Variants in UNC5B observed in about 807,000 individuals in gnomAD.
UNC5B encodes unc-5 netrin receptor B.
A neutral mutation model predicts 103.7 loss-of-function variants in UNC5B; 56 were observed. The observed-to-expected ratio is 0.54, with a 90% CI of 0.44 to 0.67. UNC5B has a LOEUF of 0.67. Ranked by LOEUF, UNC5B falls within the 30% of genes least tolerant of loss-of-function variation. The pLI is 0.00. For synonymous variants in UNC5B, 577 were observed against 542.0 expected, an observed-to-expected ratio of 1.06 and a Z score of -0.90; for missense variants, 1,194 against 1,284.5, an observed-to-expected ratio of 0.93 and a Z score of 1.08.
intron 15 of UNC5B, among the ~76,000 whole-genome samples, chr10:71,297,259 C>T (rs1411540330): frequency 6.6e-6 from 1 of 152,262 alleles, no homozygotes; most frequent in Non-Finnish European, 1.5e-5. Context: ...AAAAAACTTA[C>T]ATGATCTCAC....
chr10:71,295,539 C>A (rs571447506), intron 13 of UNC5B, among the ~76,000 whole-genome samples: 1 of 152,168 alleles, frequency 6.6e-6, no homozygotes, highest in Non-Finnish European at 1.5e-5. Context: ...GTCTTTCTAG[C>A]CATCAATCCG....
chr10:71,279,759 C>G, intron 1 of UNC5B, 62 bp from the exon 2 acceptor site: 1 of 1,535,532 alleles, frequency 6.5e-7, no homozygotes, highest in Non-Finnish European at 8.8e-7. Context: ...CCGGGGTGGG[C>G]GAGGGGTGCC....
rs1845604094 is a variant in UNC5B at position 71,302,524 on chromosome 10, A to AG, written c.*3251dup. On this transcript the variant is annotated 3_prime_UTR_variant, in exon 17 of 17. Transcript: ENST00000335350. ...GCCCCCGGCTCCAGAGCTCAGGGGTAGGGGTTCTCCTGAGGGTGCAGGGGA... is the reference window on the plus strand; with the variant it reads ...GCCCCCGGCTCCAGAGCTCAGGGGTAGGGGGTTCTCCTGAGGGTGCAGGGGA... The AG allele has an allele frequency of 1.3e-5, 2 of 152,316 alleles. No homozygotes were observed. The highest frequency in any genetic ancestry group is 1.5e-5 in the Non-Finnish European group (1 of 68,124). The allele number at this position is 152,316 out of a possible 1,614,324, so 9.4% of individuals were successfully genotyped here. A position where few individuals can be genotyped will look rare whatever the true frequency, so the allele number is the denominator to read the frequency against.
At chr10:71,260,884 G>C (rs1272387244) in intron 1 of UNC5B, among the ~76,000 whole-genome samples, 1 of 152,268 alleles carries the variant, frequency 6.6e-6, no homozygotes, top group African/African-American at 2.4e-5. Context: ...CGGGCAGGCA[G>C]CTGGGAGCCC....
chr10:71,285,918 G>A (rs1330432277), intron 4 of UNC5B, among the ~76,000 whole-genome samples: 1 of 152,204 alleles, frequency 6.6e-6, no homozygotes, highest in Non-Finnish European at 1.5e-5. Context: ...GATTAGAGCT[G>A]CATCTCAGCT....
At chr10:71,225,481 C>T (rs1262761767) in intron 1 of UNC5B, among the ~76,000 whole-genome samples, 1 of 152,210 alleles carries the variant, frequency 6.6e-6, no homozygotes, top group East Asian at 1.9e-4. Context: ...TACCCTGACC[C>T]CATTGCACAC....
Position 71,291,296 on chromosome 10 carries a change from C to T in UNC5B, c.1295-136C>T, listed in dbSNP as rs115534279. The T allele has an allele frequency of 1.1e-3, 1,550 of 1,407,862 alleles. 10 individuals are homozygous for T. The African/African-American group carries it at 0.019, about 18-fold the overall frequency. The allele number at this position is 1,407,862 out of a possible 1,614,324, so 87.2% of individuals were successfully genotyped here. A position where few individuals can be genotyped will look rare whatever the true frequency, so the allele number is the denominator to read the frequency against. ...AGAAGGAAGGGAGTGACCCAGGCTG[C>T]GGGATTCCCAAAGCTTCCTGCAGCT... On this transcript the variant is annotated intron_variant, in intron 9 of 16. Coordinates refer to ENST00000335350, the MANE Select transcript of UNC5B (RefSeq NM_170744.5).
chr10:71,285,859 G>A (rs949191594), intron 4 of UNC5B, among the ~76,000 whole-genome samples: 11 of 152,100 alleles, frequency 7.2e-5, no homozygotes, highest in Admixed American at 1.3e-4. Context: ...GTCCTCTCTC[G>A]CCATCCTTAC....
At chr10:71,238,171 G>A (rs753039398) in intron 1 of UNC5B, among the ~76,000 whole-genome samples, 5 of 152,116 alleles carry the variant, frequency 3.3e-5, no homozygotes, top group African/African-American at 1.2e-4. Context: ...TGGAAAGCCC[G>A]TTTCCTGTTG....
intron 12 of UNC5B, 32 bp downstream of exon 12, chr10:71,293,605 C>T: frequency 6.2e-7 from 1 of 1,612,852 alleles, no homozygotes; most frequent in Non-Finnish European, 8.5e-7. Flanking sequence ...TGGCCCAGCT[C>T]TCCCAACCTG....
intron 1 of UNC5B, among the ~76,000 whole-genome samples, chr10:71,214,049 T>C (rs2132231275): frequency 6.6e-6 from 1 of 152,192 alleles, no homozygotes; most frequent in East Asian, 1.9e-4. Context: ...AGCCAGCCTC[T>C]CTCTGGTACC....
intron 1 of UNC5B, among the ~76,000 whole-genome samples, chr10:71,249,572 G>A (rs1357180788): frequency 6.6e-6 from 1 of 152,178 alleles, no homozygotes; most frequent in African/African-American, 2.4e-5. Context: ...GGGATCCAGA[G>A]CCATCTCTGA....
At chr10:71,235,803 A>T (rs1303846766) in intron 1 of UNC5B, among the ~76,000 whole-genome samples, 1 of 152,224 alleles carries the variant, frequency 6.6e-6, no homozygotes, top group East Asian at 1.9e-4. Flanking sequence ...TTCCAGCCTT[A>T]GAGTGCCCAA....
At chr10:71,263,577 C>A (rs1210261348) in intron 1 of UNC5B, among the ~76,000 whole-genome samples, 1 of 152,218 alleles carries the variant, frequency 6.6e-6, no homozygotes, top group African/African-American at 2.4e-5. Context: ...CGAGAACAAT[C>A]AGAGAGGAAA....
intron 1 of UNC5B, among the ~76,000 whole-genome samples, chr10:71,219,194 AG>A (rs1431601319): frequency 6.6e-6 from 1 of 152,108 alleles, no homozygotes; most frequent in African/African-American, 2.4e-5. Context: ...CTCACCGAGA[AG>A]GTGGAAGCTC....
chr10:71,258,189 A>G (rs1844335391), intron 1 of UNC5B, among the ~76,000 whole-genome samples: 1 of 152,206 alleles, frequency 6.6e-6, no homozygotes, highest in Admixed American at 6.5e-5. Context: ...CCGAGACTCT[A>G]TCCTGCGGAT....
At chr10:71,278,284 G>A (rs1477148059) in intron 1 of UNC5B, among the ~76,000 whole-genome samples, 1 of 152,210 alleles carries the variant, frequency 6.6e-6, no homozygotes, top group African/African-American at 2.4e-5. Context: ...GCACCGCCTA[G>A]GTGTTCATGC....
At chr10:71,284,112 C>A (rs1027863646) in intron 2 of UNC5B, among the ~76,000 whole-genome samples, 7 of 152,172 alleles carry the variant, frequency 4.6e-5, no homozygotes, top group Non-Finnish European at 1.0e-4. Flanking sequence ...AGACGAACTT[C>A]CGGGCACAGT....
chr10:71,287,086 T>C (rs1373548091), intron 5 of UNC5B, among the ~76,000 whole-genome samples: 1 of 152,188 alleles, frequency 6.6e-6, no homozygotes, highest in Non-Finnish European at 1.5e-5. Flanking sequence ...CTTGCCTAAC[T>C]CTGAAGGAGT....
Sources: gnomAD v4.1 joint callset for allele counts (sites outside exome capture counted in the v4.1 genomes callset) on GRCh38, gnomAD v4.1.1 for gene constraint, MANE v1.5 for transcripts, NCBI Gene and HGNC (gene_info 2026-07-23, HGNC 2026-07-21) for gene names.